Variants in TTC39B observed in about 807,000 individuals in gnomAD.
TTC39B encodes the protein tetratricopeptide repeat domain 39B.
In TTC39B, 92 loss-of-function variants were observed where a neutral mutation model predicts 96.6. That is an observed-to-expected ratio of 0.95 (90% confidence interval 0.80 to 1.13). TTC39B has a LOEUF of 1.13. TTC39B is among the 50% of genes most tolerant of loss of function. The pLI, the probability that TTC39B is intolerant of heterozygous loss-of-function variation, is 0.00. For synonymous variants in TTC39B, 367 were observed against 299.4 expected, an observed-to-expected ratio of 1.23 and a Z score of -2.33; for missense variants, 955 against 809.3, an observed-to-expected ratio of 1.18 and a Z score of -2.18.
intron 2 of TTC39B, among the ~76,000 whole-genome samples, chr9:15,255,395 G>A (rs975901329): frequency 2.6e-5 from 4 of 152,006 alleles, no homozygotes; most frequent in Non-Finnish European, 4.4e-5. Context: ...AGAGACAAAA[G>A]GGGGAAAGAG....
intron 2 of TTC39B, among the ~76,000 whole-genome samples, chr9:15,242,304 G>A (rs1044478104): frequency 6.6e-6 from 1 of 152,172 alleles, no homozygotes; most frequent in Non-Finnish European, 1.5e-5. Context: ...AATGCAGGCT[G>A]GGCACAGTGG....
intron 2 of TTC39B, among the ~76,000 whole-genome samples, chr9:15,254,470 C>T (rs542390621): frequency 2.0e-5 from 3 of 152,076 alleles, no homozygotes; most frequent in South Asian, 4.2e-4. Flanking sequence ...GTTTGCTTTA[C>T]GCTTTGCAGT....
At chr9:15,264,884 T>C (rs1823074395) in intron 2 of TTC39B, among the ~76,000 whole-genome samples, 1 of 152,074 alleles carries the variant, frequency 6.6e-6, no homozygotes, top group Non-Finnish European at 1.5e-5. Context: ...TTGGATGATG[T>C]TCTGAGAACC....
exon 6 of TTC39B, chr9:15,210,151 A>T (rs866255190): frequency 5.0e-6 from 8 of 1,600,998 alleles, no homozygotes; most frequent in African/African-American, 4.0e-5. Flanking sequence ...ACAACTGTGT[A>T]TTTTTTCCTG....
At chr9:15,305,791 T>A (rs1185112990) in intron 1 of TTC39B, among the ~76,000 whole-genome samples, 1 of 151,366 alleles carries the variant, frequency 6.6e-6, no homozygotes, top group African/African-American at 2.4e-5. Flanking sequence ...ATCCCAGTGT[T>A]AATTAATAAT....
chr9:15,241,487 G>GCCTGCTCTC (rs1025169663), intron 2 of TTC39B, among the ~76,000 whole-genome samples: 5 of 152,024 alleles, frequency 3.3e-5, no homozygotes, highest in Admixed American at 3.3e-4. Context: ...ATAATAGCAT[G>GCCTGCTCTC]CCTGCTCTCA....
rs561825502 is a variant in TTC39B at position 15,286,172 on chromosome 9, C to T, written c.241-18224G>A. ...TTACACTATTGCCCACAATCCAATTCTGTCAACTGACCCAGCAATGTCCTT... is the reference window on the plus strand; with the variant it reads ...TTACACTATTGCCCACAATCCAATTTTGTCAACTGACCCAGCAATGTCCTT... On this transcript the variant is annotated intron_variant, in intron 1 of 19. Transcript: ENST00000512701. Among the ~76,000 whole-genome samples the T allele has an allele frequency of 9.2e-5, 14 of 152,382 alleles. No homozygotes were observed. In the South Asian group the frequency reaches 2.9e-3, roughly 32 times the overall value.
intron 1 of TTC39B, among the ~76,000 whole-genome samples, chr9:15,270,490 A>C (rs1184273623): frequency 2.6e-5 from 4 of 152,014 alleles, no homozygotes; most frequent in African/African-American, 9.7e-5. Flanking sequence ...CTCAGCATGG[A>C]CACTAAAATA....
At chr9:15,176,233 A>C (rs962495660) in intron 18 of TTC39B, among the ~76,000 whole-genome samples, 3 of 152,218 alleles carry the variant, frequency 2.0e-5, no homozygotes, top group African/African-American at 7.2e-5. Flanking sequence ...AGGTGAGTTC[A>C]CAATCCACAA....
intron 2 of TTC39B, among the ~76,000 whole-genome samples, chr9:15,254,726 C>A (rs1822684978): frequency 6.6e-6 from 1 of 151,690 alleles, no homozygotes; most frequent in African/African-American, 2.4e-5. Flanking sequence ...TTAATCAAAG[C>A]AAACTACACA....
chr9:15,241,761 G>C (rs75869871), intron 2 of TTC39B, among the ~76,000 whole-genome samples: 1 of 42,194 alleles, frequency 2.4e-5, no homozygotes, highest in Non-Finnish European at 4.9e-5. Flanking sequence ...TTTTTTTTTT[G>C]AGACAGAGTC....
At chr9:15,298,000 G>C (rs1450222017) in intron 1 of TTC39B, among the ~76,000 whole-genome samples, 1 of 152,166 alleles carries the variant, frequency 6.6e-6, no homozygotes, top group African/African-American at 2.4e-5. Context: ...TCCATGAACA[G>C]GGTAAGGAAG....
At chr9:15,187,832 G>T in intron 14 of TTC39B, 139 bp downstream of exon 14, 2 of 870,704 alleles carry the variant, frequency 2.3e-6, no homozygotes, top group Non-Finnish European at 3.3e-6. Context: ...GGGTACTTAA[G>T]GCACATTTCC....
chr9:15,174,361 T>G (rs1817815932), intron 19 of TTC39B, among the ~76,000 whole-genome samples: 1 of 152,182 alleles, frequency 6.6e-6, no homozygotes, highest in South Asian at 2.1e-4. Context: ...TGGCATTCTT[T>G]CTCTACTGCA....
chr9:15,224,945 T>C (rs1317173915), intron 3 of TTC39B, among the ~76,000 whole-genome samples: 1 of 152,156 alleles, frequency 6.6e-6, no homozygotes, highest in Admixed American at 6.5e-5. Flanking sequence ...ATAGCTGAAA[T>C]TTCAAATGCA....
chr9:15,190,489 G>C, intron 11 of TTC39B, 65 bp downstream of exon 11: 4 of 1,447,606 alleles, frequency 2.8e-6, no homozygotes, highest in Non-Finnish European at 3.9e-6. Flanking sequence ...GGGATTACAG[G>C]TGTAACACAC....
At chr9:15,237,466 C>A (rs1821837898) in intron 2 of TTC39B, among the ~76,000 whole-genome samples, 1 of 152,126 alleles carries the variant, frequency 6.6e-6, no homozygotes, top group East Asian at 1.9e-4. Flanking sequence ...ACCAATACCA[C>A]AGAAATACAA....
chr9:15,248,232 C>G (rs1394493076), intron 2 of TTC39B, among the ~76,000 whole-genome samples: 1 of 152,162 alleles, frequency 6.6e-6, no homozygotes. Context: ...ACTATGAGCT[C>G]CTCCAAAGCA....
chr9:15,165,707 T>C (rs1031130425), exon 20 of TTC39B: 1 of 152,194 alleles, frequency 6.6e-6, no homozygotes, highest in Non-Finnish European at 1.5e-5. Flanking sequence ...GAAAAGCCCC[T>C]TATAAAACCA....
Sources: allele counts gnomAD v4.1 joint callset (sites outside exome capture counted in the v4.1 genomes callset), GRCh38; gene constraint gnomAD v4.1.1; transcripts MANE v1.5; gene names NCBI Gene and HGNC (gene_info 2026-07-23, HGNC 2026-07-21).